TBXA2R: variants seen among roughly 807,000 people sequenced by gnomAD.
TBXA2R encodes the protein prostanoid TP receptor.
A neutral mutation model predicts 15.6 loss-of-function variants in TBXA2R; 15 were observed. The observed-to-expected ratio is 0.96, with a 90% CI of 0.64 to 1.48. TBXA2R has a LOEUF of 1.48. Ranked by LOEUF, TBXA2R falls within the 40% of genes most tolerant of loss-of-function variation. The pLI is 0.00. For synonymous variants in TBXA2R, 280 were observed against 241.2 expected, an observed-to-expected ratio of 1.16 and a Z score of -1.49; for missense variants, 506 against 491.4, an observed-to-expected ratio of 1.03 and a Z score of -0.28.
chr19:3,603,183 C>A (rs544144805), intron 1 of TBXA2R, among the ~76,000 whole-genome samples: 1 of 152,342 alleles, frequency 6.6e-6, no homozygotes, highest in African/African-American at 2.4e-5. Context: ...CATTCCAGGG[C>A]GGTCAAATGG....
chr19:3,600,676 C>A lies in TBXA2R; in HGVS notation c.-42G>T. The A allele has an allele frequency of 1.2e-6, 2 of 1,602,314 alleles. No individual in the cohort carries two copies. The highest frequency in any genetic ancestry group is 2.2e-5 in the South Asian group (2 of 89,724). ...GGGATCAGTCACCACCCCATCAGGC[C>A]GATGCTGCAGACAGGGCAGGCTGGC... On this transcript the variant is annotated 5_prime_UTR_variant, in exon 2 of 3. Coordinates refer to ENST00000375190, the MANE Select transcript of TBXA2R (RefSeq NM_001060.6).
chr19:3,595,078 TA>T lies in TBXA2R; in HGVS notation c.*609del, dbSNP rs34885751. 72,246 of 468,712 alleles carry T rather than the reference TA, an allele frequency of 0.15. 7 individuals are homozygous for T. Among genetic ancestry groups the T allele is most frequent in the East Asian group, 0.26 (6,241 of 23,762 alleles). 29.0% of individuals were successfully genotyped at this position (468,712 alleles called of 1,614,324 possible). ...CTGGGCCACAGAGTGAGACTCCGTC[TA>T]AAAAAAAAAAAAAAAATGGCCAGGT... On this transcript the variant is annotated 3_prime_UTR_variant, in exon 3 of 3. Transcript: ENST00000375190.
intron 2 of TBXA2R, among the ~76,000 whole-genome samples, chr19:3,598,273 A>T (rs900653064): frequency 2.0e-5 from 3 of 148,770 alleles, no homozygotes; most frequent in African/African-American, 7.5e-5. Context: ...GCAAGGGTTG[A>T]CCCATGGGCC....
intron 1 of TBXA2R, among the ~76,000 whole-genome samples, chr19:3,605,630 C>T (rs1434843763): frequency 6.6e-6 from 1 of 151,704 alleles, no homozygotes; most frequent in Non-Finnish European, 1.5e-5. Context: ...CACAGACACA[C>T]CCAGACAGAA....
intron 2 of TBXA2R, among the ~76,000 whole-genome samples, chr19:3,597,247 T>C (rs2032621521): frequency 6.6e-6 from 1 of 151,538 alleles, no homozygotes; most frequent in African/African-American, 2.4e-5. Context: ...TGGCAGGAAA[T>C]TTTTAAACTA....
In TBXA2R at chr19:3,596,824, G is replaced by T. The variant is rs527717800; in HGVS notation, c.787-891C>A. On this transcript the variant is annotated intron_variant, in intron 2 of 2. Transcript: ENST00000375190. ...TCTCGATCTCCTGACCTTGTGATCT[G>T]CCCTCCTCGGCCTCCCAAAGTGCTG... 5.9e-4 allele frequency among the ~76,000 whole-genome samples: 89 copies of T among 151,136 alleles called. 2 individuals are homozygous for T. In the South Asian group the frequency reaches 0.018, roughly 30 times the overall value.
chr19:3,600,658 G>C lies in TBXA2R; in HGVS notation c.-24C>G. The C allele has an allele frequency of 6.2e-7, 1 of 1,609,982 alleles. No individual in the cohort carries two copies. The highest frequency in any genetic ancestry group is 8.5e-7 in the Non-Finnish European group (1 of 1,178,642). ...ATGGCTCCGGAGCCCTGAGGGATCA[G>C]TCACCACCCCATCAGGCCGATGCTG... On this transcript the variant is annotated 5_prime_UTR_variant, in exon 2 of 3. Transcript: ENST00000375190.
In TBXA2R at chr19:3,600,171, A is replaced by T; in HGVS notation, c.464T>A (p.Leu155Gln). The change falls in exon 2 of 3, where the codon CTG (leucine) becomes CAG (glutamine). Residue 155 changes from leucine to glutamine, a missense_variant. By Grantham distance (113) the Leu-to-Gln change is moderately radical (BLOSUM62 -2). Transcript: ENST00000375190. Reference sequence around the variant, plus strand: ...CAGCGCCAGCGCGGCCGCCCACACCAGCCCCACGGTGGCCCAGGCGCGGCG... The same window carrying T: ...CAGCGCCAGCGCGGCCGCCCACACCTGCCCCACGGTGGCCCAGGCGCGGCG... Reference protein sequence around the residue: ...SQRRAWATVGLVWAAALALGL... With the variant: ...SQRRAWATVGQVWAAALALGL... 1.3e-6 allele frequency: 2 copies of T among 1,599,632 alleles called. No homozygotes were observed. Among genetic ancestry groups the T allele is most frequent in the South Asian group, 2.2e-5 (2 of 89,960 alleles).
chr19:3,605,597 CA>C (rs1568286459), intron 1 of TBXA2R, among the ~76,000 whole-genome samples: 1 of 151,690 alleles, frequency 6.6e-6, no homozygotes, highest in Non-Finnish European at 1.5e-5. Context: ...CAGACACACA[CA>C]GATAGACACA....
At chr19:3,606,163 A>T (rs1425919016) in intron 1 of TBXA2R, among the ~76,000 whole-genome samples, 1 of 152,128 alleles carries the variant, frequency 6.6e-6, no homozygotes, top group Non-Finnish European at 1.5e-5. Context: ...CAGAGACAAG[A>T]TCACACACAC....
intron 1 of TBXA2R, among the ~76,000 whole-genome samples, chr19:3,601,881 C>T (rs1188982843): frequency 1.3e-5 from 2 of 151,326 alleles, no homozygotes; most frequent in Admixed American, 1.3e-4. Context: ...GAGCCGAGAT[C>T]GCACTACTGC....
chr19:3,599,718 C>T, intron 2 of TBXA2R, 131 bp downstream of exon 2: 2 of 1,360,454 alleles, frequency 1.5e-6, no homozygotes, highest in South Asian at 2.5e-5. Context: ...CCTCCCGCCT[C>T]AGCCTCCCAG....
Position 3,601,834 on chromosome 19 carries a change from G to A in TBXA2R, c.-83-1117C>T, listed in dbSNP as rs143480708. ...CCCAGCTACTCAAGAGACTGAGGCA[G>A]AAGAAATGCTTGAACCCGGGAGGCA... On this transcript the variant is annotated intron_variant, in intron 1 of 2. Transcript: ENST00000375190. Among the ~76,000 whole-genome samples the A allele has an allele frequency of 6.0e-3, 909 of 152,154 alleles. 9 individuals are homozygous for A. Among genetic ancestry groups the A allele is most frequent in the African/African-American group, 0.021 (878 of 41,522 alleles).
chr19:3,595,054 TG>T lies in TBXA2R; in HGVS notation c.*633del, dbSNP rs1555705760. On this transcript the variant is annotated 3_prime_UTR_variant, in exon 3 of 3. Coordinates refer to ENST00000375190, the MANE Select transcript of TBXA2R (RefSeq NM_001060.6). ...GAGATCGTGCCACTGTACTCCAGGC[TG>T]GGCCACAGAGTGAGACTCCGTCTAA... The T allele has an allele frequency of 1.1e-6, 1 of 918,562 alleles. No homozygotes were observed. Among genetic ancestry groups the T allele is most frequent in the Non-Finnish European group, 1.6e-6 (1 of 611,956 alleles). 56.9% of individuals were successfully genotyped at this position (918,562 alleles called of 1,614,324 possible). A position where few individuals can be genotyped will look rare whatever the true frequency, so the allele number is the denominator to read the frequency against.
chr19:3,600,661 A>C lies in TBXA2R; in HGVS notation c.-27T>G. On this transcript the variant is annotated 5_prime_UTR_variant, in exon 2 of 3. The change abolishes the stop of an existing upstream ORF in the 5' untranslated region. Transcript: ENST00000375190. Reference sequence around the variant, plus strand: ...GCTCCGGAGCCCTGAGGGATCAGTCACCACCCCATCAGGCCGATGCTGCAG... The same window carrying C: ...GCTCCGGAGCCCTGAGGGATCAGTCCCCACCCCATCAGGCCGATGCTGCAG... 1 of 1,609,230 alleles carries C rather than the reference A, an allele frequency of 6.2e-7. No individual in the cohort carries two copies. The highest frequency in any genetic ancestry group is 1.1e-5 in the South Asian group (1 of 90,520).
intron 1 of TBXA2R, among the ~76,000 whole-genome samples, chr19:3,605,366 A>G (rs1186205875): frequency 6.6e-6 from 1 of 152,238 alleles, no homozygotes; most frequent in East Asian, 1.9e-4. Flanking sequence ...CCAGACACAC[A>G]CAGGCAGAAA....
At chr19:3,603,298 G>A (rs1446120517) in intron 1 of TBXA2R, among the ~76,000 whole-genome samples, 5 of 152,204 alleles carry the variant, frequency 3.3e-5, no homozygotes, top group African/African-American at 9.7e-5. Flanking sequence ...TCCTGACAGC[G>A]GCACTGAACT....
At chr19:3,603,865 G>A (rs1044104144) in intron 1 of TBXA2R, among the ~76,000 whole-genome samples, 11 of 152,072 alleles carry the variant, frequency 7.2e-5, no homozygotes, top group East Asian at 3.9e-4. Flanking sequence ...TGGGGGGACC[G>A]GGCAGGGCCT....
chr19:3,604,053 C>T (rs566440290), intron 1 of TBXA2R, among the ~76,000 whole-genome samples: 3 of 152,274 alleles, frequency 2.0e-5, no homozygotes, highest in South Asian at 4.1e-4. Context: ...TGAGAGCAGA[C>T]GTTTGCCCTC....
Sources: gnomAD v4.1 joint callset for allele counts (sites outside exome capture counted in the v4.1 genomes callset) on GRCh38, gnomAD v4.1.1 for gene constraint, MANE v1.5 for transcripts, NCBI Gene and HGNC (gene_info 2026-07-23, HGNC 2026-07-21) for gene names.